Variants in SMARCAL1 observed in about 807,000 individuals in gnomAD.
SMARCAL1 encodes the protein ATP-driven annealing helicase.
A neutral mutation model predicts 94.5 loss-of-function variants in SMARCAL1; 58 were observed. The observed-to-expected ratio is 0.61, with a 90% CI of 0.50 to 0.76. The LOEUF (loss-of-function observed/expected upper bound fraction) is 0.76, where lower values mean the gene tolerates loss of function less well. Ranked by LOEUF, SMARCAL1 falls within the 30% of genes least tolerant of loss-of-function variation. The pLI is 0.00. For missense variants in SMARCAL1, 1,051 were observed against 1,177.9 expected (o/e 0.89, Z 1.58); for synonymous variants, 422 against 455.1 (o/e 0.93, Z 0.93).
intron 12 of SMARCAL1, among the ~76,000 whole-genome samples, chr2:216,458,071 C>G (rs1187578061): frequency 6.6e-6 from 1 of 152,150 alleles, no homozygotes; most frequent in East Asian, 1.9e-4. Context: ...CGCAAGTAAA[C>G]TAGAAAATCT....
At chr2:216,468,106 C>T in intron 14 of SMARCAL1, 60 bp downstream of exon 14, 1 of 1,197,912 alleles carries the variant, frequency 8.3e-7, no homozygotes, top group Admixed American at 1.7e-5. Context: ...TTGTTCTAAG[C>T]AGGCTTAGGT....
chr2:216,431,061 G>T (rs1315398451), intron 7 of SMARCAL1, among the ~76,000 whole-genome samples: 2 of 152,218 alleles, frequency 1.3e-5, no homozygotes, highest in Non-Finnish European at 2.9e-5. Flanking sequence ...GGGAAGGGCT[G>T]CCCCCTCTCC....
rs567277592 is a variant in SMARCAL1, at chr2:216,457,335, G to A, written c.2070+6271G>A. Among the ~76,000 whole-genome samples the A allele has an allele frequency of 5.9e-3, 894 of 152,180 alleles. 4 individuals carry two copies. Among genetic ancestry groups the A allele is most frequent in the Admixed American group, 0.011 (172 of 15,282 alleles). On this transcript the variant is annotated intron_variant, in intron 12 of 17. Transcript: ENST00000357276. ...AATTGAGCTCAGCTCTGCACCAAGC[G>A]GACCTAATAGACATCTACAGAACTC...
At chr2:216,448,519 T>C (rs550257174) in intron 11 of SMARCAL1, among the ~76,000 whole-genome samples, 5 of 152,332 alleles carry the variant, frequency 3.3e-5, no homozygotes, top group Admixed American at 3.3e-4. Context: ...GCATTATCTT[T>C]GAATTCTCCT....
intron 12 of SMARCAL1, among the ~76,000 whole-genome samples, chr2:216,458,789 C>T (rs1047257540): frequency 6.6e-6 from 1 of 152,206 alleles, no homozygotes; most frequent in African/African-American, 2.4e-5. Context: ...GGGATGCCCT[C>T]TCTCACCACT....
At position 216,435,405 on chromosome 2, in the gene SMARCAL1, G is replaced by T. The variant is rs774075396; in HGVS notation, c.1553G>T (p.Arg518Leu). The T allele has an allele frequency of 6.2e-7, 1 of 1,614,132 alleles. No homozygotes were observed. ...AACGTCGTGGTGACTGGGAAGGACCGCCTGACAGCTGGCCTGATCAACATT... is the reference window on the plus strand; with the variant it reads ...AACGTCGTGGTGACTGGGAAGGACCTCCTGACAGCTGGCCTGATCAACATT... ...CINVVVTGKD[R>L]LTAGLINIVS... Residue 518 changes from arginine to leucine, a missense_variant, in exon 9 of 18, where the codon CGC becomes CTC. By Grantham distance (102) the Arg-to-Leu change is moderately radical. Coordinates refer to ENST00000357276, the MANE Select transcript of SMARCAL1 (RefSeq NM_014140.4).
At chr2:216,440,776 G>A (rs1694183085) in intron 10 of SMARCAL1, among the ~76,000 whole-genome samples, 1 of 152,118 alleles carries the variant, frequency 6.6e-6, no homozygotes, top group African/African-American at 2.4e-5. Flanking sequence ...TGGGCTGGAT[G>A]ACTCTGTTGT....
chr2:216,451,778 G>T (rs1024825894), intron 12 of SMARCAL1, among the ~76,000 whole-genome samples: 18 of 151,728 alleles, frequency 1.2e-4, no homozygotes, highest in Non-Finnish European at 1.5e-4. Flanking sequence ...TGTGCTAAGT[G>T]CTATAATCTA....
At chr2:216,450,373 T>C (rs1347705664) in intron 11 of SMARCAL1, among the ~76,000 whole-genome samples, 1 of 152,204 alleles carries the variant, frequency 6.6e-6, no homozygotes, top group Non-Finnish European at 1.5e-5. Context: ...GTGTAATCCA[T>C]ACTGCAGAAC....
intron 4 of SMARCAL1, among the ~76,000 whole-genome samples, chr2:216,418,323 T>A (rs1231688089): frequency 2.0e-5 from 3 of 152,154 alleles, no homozygotes; most frequent in African/African-American, 7.2e-5. Flanking sequence ...AGAAAAAAAA[T>A]TCTCCATATA....
chr2:216,458,226 C>T (rs1438229547), intron 12 of SMARCAL1, among the ~76,000 whole-genome samples: 5 of 152,094 alleles, frequency 3.3e-5, no homozygotes, highest in Admixed American at 1.3e-4. Flanking sequence ...CAGGACCAGA[C>T]GGATTCACAG....
Position 216,415,232 on chromosome 2 carries a change from A to G in SMARCAL1, c.528A>G (p.Thr176=), listed in dbSNP as rs1385478143. 3 of 1,614,132 alleles carry G rather than the reference A, an allele frequency of 1.9e-6. No homozygotes were observed. In the African/African-American group the frequency reaches 4.0e-5, roughly 22 times the overall value. Residue 176 remains threonine, a synonymous_variant, in exon 3 of 18, where the codon ACA becomes ACG. Transcript: ENST00000357276. The part of the protein sequence containing the change: ...PLAKPKSSQE[T]PAHSSGQPPR... Reference sequence around the variant, plus strand: ...CCAAACCAAAGAGTTCCCAAGAGACACCAGCTCATTCCTCTGGACAGCCTC... The same window carrying G: ...CCAAACCAAAGAGTTCCCAAGAGACGCCAGCTCATTCCTCTGGACAGCCTC...
At chr2:216,416,416 G>A (rs2106016474) in intron 4 of SMARCAL1, 109 bp downstream of exon 4, 4 of 888,364 alleles carry the variant, frequency 4.5e-6, no homozygotes, top group Non-Finnish European at 7.0e-6. Context: ...GGTGGTGAAA[G>A]CTTTCAGGGC....
At position 216,420,450 on chromosome 2, in the gene SMARCAL1, C is replaced by A. The variant is rs1263908905; in HGVS notation, c.1014C>A (p.Ile338=). The change falls in exon 5 of 18, where the codon ATC becomes ATA. Residue 338 remains isoleucine, a synonymous_variant. Transcript: ENST00000357276. Reference sequence around the variant, plus strand: ...TTGTCAAAGGGCGATGCATGCTCATCTCCAGGGCCTACTTCGAGGCAGACA... The same window carrying A: ...TTGTCAAAGGGCGATGCATGCTCATATCCAGGGCCTACTTCGAGGCAGACA... ...LSFVKGRCML[I]SRAYFEADIS... The A allele has an allele frequency of 6.2e-7, 1 of 1,614,210 alleles. No homozygotes were observed. The highest frequency in any genetic ancestry group is 8.5e-7 in the Non-Finnish European group (1 of 1,180,040).
intron 6 of SMARCAL1, among the ~76,000 whole-genome samples, chr2:216,428,048 A>C (rs962944893): frequency 6.6e-6 from 1 of 152,198 alleles, no homozygotes; most frequent in Non-Finnish European, 1.5e-5. Context: ...ATAAAGAGCA[A>C]TTGATGATCT....
chr2:216,467,866 G>A, intron 13 of SMARCAL1, 78 bp from the exon 14 acceptor site: 1 of 888,264 alleles, frequency 1.1e-6, no homozygotes, highest in South Asian at 1.3e-5. Flanking sequence ...TAATAAGAAT[G>A]TTTCAGTAAC....
chr2:216,440,453 G>A (rs533921832), intron 10 of SMARCAL1, among the ~76,000 whole-genome samples: 4 of 152,286 alleles, frequency 2.6e-5, no homozygotes, highest in East Asian at 3.9e-4. Flanking sequence ...TATCTTGAGT[G>A]TGTTTCAAAG....
In SMARCAL1 at chr2:216,455,163, G is replaced by A. The variant is rs536220462; in HGVS notation, c.2070+4099G>A. On this transcript the variant is annotated intron_variant, in intron 12 of 17. Coordinates refer to ENST00000357276, the MANE Select transcript of SMARCAL1 (RefSeq NM_014140.4). ...CAGCGAGGCTGGGGGAGGGGTGCCCGCCATTGCTGAGGCTTGAGTAGGTAA... is the reference window on the plus strand; with the variant it reads ...CAGCGAGGCTGGGGGAGGGGTGCCCACCATTGCTGAGGCTTGAGTAGGTAA... Among the ~76,000 whole-genome samples, 19 of 152,234 alleles carry A rather than the reference G, an allele frequency of 1.2e-4. No homozygotes were observed. The South Asian group carries it at 2.1e-3, about 17-fold the overall frequency.
intron 5 of SMARCAL1, 110 bp from the exon 6 acceptor site, chr2:216,423,523 T>C (rs1693768831): frequency 2.2e-6 from 2 of 909,848 alleles, no homozygotes. Context: ...AGCTGCCACA[T>C]TGTCTAAGCT....
Sources: gnomAD v4.1 joint callset for allele counts (sites outside exome capture counted in the v4.1 genomes callset) on GRCh38, gnomAD v4.1.1 for gene constraint, MANE v1.5 for transcripts, NCBI Gene and HGNC (gene_info 2026-07-23, HGNC 2026-07-21) for gene names.